EEFSEC: variants seen among roughly 807,000 people sequenced by gnomAD.
EEFSEC encodes the protein eukaryotic elongation factor, selenocysteine-tRNA specific.
EEFSEC carries 43 observed loss-of-function variants against 42.1 expected under a neutral mutation model. The ratio of observed to expected loss-of-function variants is 1.02; its 90% CI spans 0.80 to 1.32. The LOEUF (loss-of-function observed/expected upper bound fraction) is 1.32. Ranked by LOEUF, EEFSEC falls within the 40% of genes most tolerant of loss-of-function variation. The probability of loss-of-function intolerance (pLI) is 0.00; values close to 1 mark genes in which losing one functional copy is unlikely to be tolerated. For missense variants in EEFSEC, 745 were observed against 803.6 expected (o/e 0.93, Z 0.88); for synonymous variants, 354 against 339.1 (o/e 1.04, Z -0.48).
chr3:128,292,852 T>G (rs1407174342), intron 4 of EEFSEC, among the ~76,000 whole-genome samples: 1 of 152,128 alleles, frequency 6.6e-6, no homozygotes, highest in Non-Finnish European at 1.5e-5. Context: ...GGGTTTACTC[T>G]GCTGATCTTT....
the EEFSEC span, among the ~76,000 whole-genome samples, chr3:128,414,353 C>T: frequency 6.6e-6 from 1 of 152,210 alleles, no homozygotes; most frequent in South Asian, 2.1e-4. Flanking sequence ...CCTCCCTGCT[C>T]CCAGCTCTTC....
intron 6 of EEFSEC, among the ~76,000 whole-genome samples, chr3:128,402,741 C>T (rs923210450): frequency 6.6e-6 from 1 of 152,188 alleles, no homozygotes; most frequent in Non-Finnish European, 1.5e-5. Context: ...TTTGTCCCTC[C>T]CAGGTTGTCA....
intron 4 of EEFSEC, among the ~76,000 whole-genome samples, chr3:128,339,046 G>C (rs1439770203): frequency 1.3e-5 from 2 of 152,182 alleles, no homozygotes; most frequent in Admixed American, 6.5e-5. Context: ...CACCTCACTG[G>C]GCAGACGACG....
intron 1 of EEFSEC, among the ~76,000 whole-genome samples, chr3:128,154,728 C>T (rs1272359301): frequency 2.6e-5 from 4 of 152,170 alleles, no homozygotes; most frequent in African/African-American, 7.2e-5. Flanking sequence ...GGATTACAGG[C>T]GTGAGCCACC....
intron 1 of EEFSEC, among the ~76,000 whole-genome samples, chr3:128,195,768 A>G (rs555311408): frequency 6.6e-6 from 1 of 152,352 alleles, no homozygotes; most frequent in East Asian, 1.9e-4. Context: ...GATGGTAGAG[A>G]CAAGGGATTT....
At chr3:128,415,255 G>A in the EEFSEC span, among the ~76,000 whole-genome samples, 39 of 152,296 alleles carry the variant, frequency 2.6e-4, no homozygotes, top group East Asian at 1.4e-3. Flanking sequence ...GAGAAGAGAC[G>A]GGCCCAGGGA....
intron 1 of EEFSEC, among the ~76,000 whole-genome samples, chr3:128,221,309 A>C (rs2065859050): frequency 6.6e-6 from 1 of 152,256 alleles, no homozygotes; most frequent in African/African-American, 2.4e-5. Flanking sequence ...AGGGAATATG[A>C]ATGGAAGCCA....
the EEFSEC span, among the ~76,000 whole-genome samples, chr3:128,414,466 AGGCAGAGGCCCT>A: frequency 6.6e-6 from 1 of 152,188 alleles, no homozygotes; most frequent in African/African-American, 2.4e-5. Flanking sequence ...TCAGAGGCCC[AGGCAGAGGCCCT>A]GGAAATTCCC....
At chr3:128,351,164 T>C (rs1381565612) in intron 5 of EEFSEC, among the ~76,000 whole-genome samples, 1 of 152,110 alleles carries the variant, frequency 6.6e-6, no homozygotes, top group Non-Finnish European at 1.5e-5. Context: ...AAGCATGTGG[T>C]TGGTGTTGAG....
Position 128,408,438 on chromosome 3 carries a change from G to A in EEFSEC, c.*179G>A, listed in dbSNP as rs1217131525. The A allele has an allele frequency of 4.9e-6, 3 of 615,492 alleles. No homozygotes were observed. Among genetic ancestry groups the A allele is most frequent in the Non-Finnish European group, 7.9e-6 (3 of 381,492 alleles). The allele number at this position is 615,492 out of a possible 1,614,324, so 38.1% of individuals were successfully genotyped here. On this transcript the variant is annotated 3_prime_UTR_variant, in exon 7 of 7. Coordinates refer to ENST00000254730, the MANE Select transcript of EEFSEC (RefSeq NM_021937.5). ...GGAGCTGAGGGGGATGGGTTGCTGGGGCCAGGAGGGTCTCTCCTCCAGCCC... is the reference window on the plus strand; with the variant it reads ...GGAGCTGAGGGGGATGGGTTGCTGGAGCCAGGAGGGTCTCTCCTCCAGCCC...
chr3:128,360,546 C>T (rs1421654435), intron 6 of EEFSEC, among the ~76,000 whole-genome samples: 2 of 152,176 alleles, frequency 1.3e-5, no homozygotes, highest in African/African-American at 4.8e-5. Context: ...CCCTGAGCTC[C>T]CTTCCTGTAG....
chr3:128,241,451 T>G (rs1320667691), intron 1 of EEFSEC, among the ~76,000 whole-genome samples: 5 of 152,146 alleles, frequency 3.3e-5, no homozygotes. Flanking sequence ...GCTCAAGTGA[T>G]TCACACACCT....
Position 128,408,305 on chromosome 3 carries a change from G to A in EEFSEC, c.*46G>A. 1 of 1,496,256 alleles carries A rather than the reference G, an allele frequency of 6.7e-7. No individual in the cohort carries two copies. Among genetic ancestry groups the A allele is most frequent in the Non-Finnish European group, 9.0e-7 (1 of 1,117,174 alleles). The allele number at this position is 1,496,256 out of a possible 1,614,324, so 92.7% of individuals were successfully genotyped here. A position where few individuals can be genotyped will look rare whatever the true frequency, so the allele number is the denominator to read the frequency against. ...GGGCCTCCTTGCCCAGCCCAGTCCA[G>A]GCTGCTGTGCCAAATCCCAACCAGC... On this transcript the variant is annotated 3_prime_UTR_variant, in exon 7 of 7. Coordinates refer to ENST00000254730, the MANE Select transcript of EEFSEC (RefSeq NM_021937.5).
chr3:128,412,799 T>A (rs2068183087), downstream of EEFSEC, among the ~76,000 whole-genome samples: 1 of 152,152 alleles, frequency 6.6e-6, no homozygotes, highest in Non-Finnish European at 1.5e-5. Context: ...GAGGCAGCAG[T>A]GGGTGCTGGG....
At chr3:128,266,720 C>T (rs2066358164) in intron 4 of EEFSEC, among the ~76,000 whole-genome samples, 1 of 151,526 alleles carries the variant, frequency 6.6e-6, no homozygotes, top group Non-Finnish European at 1.5e-5. Context: ...GTCACAGTCC[C>T]CTCCTTTACC....
At chr3:128,153,994 T>A in intron 1 of EEFSEC, 171 bp downstream of exon 1, 2 of 934,878 alleles carry the variant, frequency 2.1e-6, no homozygotes, top group Non-Finnish European at 2.9e-6. Flanking sequence ...CCGCAGCAAG[T>A]GAGCGGAGGC....
chr3:128,324,458 T>G (rs1463148026), intron 4 of EEFSEC, among the ~76,000 whole-genome samples: 2 of 152,184 alleles, frequency 1.3e-5, no homozygotes, highest in Non-Finnish European at 2.9e-5. Flanking sequence ...AGCACACTGT[T>G]TGCACTTGAG....
chr3:128,174,298 A>G (rs2065327246), intron 1 of EEFSEC, among the ~76,000 whole-genome samples: 1 of 152,214 alleles, frequency 6.6e-6, no homozygotes, highest in Non-Finnish European at 1.5e-5. Flanking sequence ...CAATACCTAC[A>G]TCAGAGTTGA....
intron 1 of EEFSEC, among the ~76,000 whole-genome samples, chr3:128,154,610 C>G (rs1248215402): frequency 6.6e-6 from 1 of 151,916 alleles, no homozygotes; most frequent in African/African-American, 2.4e-5. Flanking sequence ...CCACCACGCC[C>G]GGCTAATTTT....
Sources: allele counts gnomAD v4.1 joint callset (sites outside exome capture counted in the v4.1 genomes callset), GRCh38; gene constraint gnomAD v4.1.1; transcripts MANE v1.5; gene names NCBI Gene and HGNC (gene_info 2026-07-23, HGNC 2026-07-21).